Variants in ASAP1 observed in about 807,000 individuals in gnomAD.
The protein encoded by ASAP1 is ArfGAP with SH3 domain, ankyrin repeat and PH domain 1.
A neutral mutation model predicts 145.2 loss-of-function variants in ASAP1; 43 were observed. The observed-to-expected ratio is 0.30, with a 90% CI of 0.23 to 0.38. The LOEUF is 0.38. Among genes scored for constraint, ASAP1 ranks in the 10% least tolerant of loss-of-function variants. The pLI is 1.00. For synonymous variants in ASAP1, 546 were observed against 515.5 expected, an observed-to-expected ratio of 1.06 and a Z score of -0.80; for missense variants, 1,018 against 1,355.3, an observed-to-expected ratio of 0.75 and a Z score of 3.91.
At chr8:130,267,878 T>A (rs957618570) in intron 3 of ASAP1, among the ~76,000 whole-genome samples, 6 of 152,168 alleles carry the variant, frequency 3.9e-5, no homozygotes, top group African/African-American at 1.2e-4. Flanking sequence ...CCAGAACTGG[T>A]AGGAGCAGCT....
At chr8:130,237,274 C>T (rs1818270988) in intron 3 of ASAP1, among the ~76,000 whole-genome samples, 1 of 152,016 alleles carries the variant, frequency 6.6e-6, no homozygotes, top group African/African-American at 2.4e-5. Context: ...AAAGACAGTA[C>T]AAGACACTGA....
chr8:130,175,365 C>T (rs140215068), intron 9 of ASAP1, among the ~76,000 whole-genome samples: 16 of 152,158 alleles, frequency 1.1e-4, no homozygotes, highest in African/African-American at 3.1e-4. Context: ...GGAAAATAGG[C>T]GTGTGCCACC....
chr8:130,422,471 G>A (rs1274262159), intron 1 of ASAP1, among the ~76,000 whole-genome samples: 2 of 152,212 alleles, frequency 1.3e-5, no homozygotes, highest in Non-Finnish European at 2.9e-5. Flanking sequence ...TCCCTGGGCT[G>A]TGCTTGTCTC....
At chr8:130,070,849 GA>G (rs2097442247) in intron 27 of ASAP1, among the ~76,000 whole-genome samples, 1 of 4,432 alleles carries the variant, frequency 2.3e-4, no homozygotes, top group Non-Finnish European at 3.7e-4. Context: ...GGGAGAGAGG[GA>G]GAGAGAGGGA....
At position 130,361,565 on chromosome 8, in the gene ASAP1, G is replaced by A. The variant is rs74388018; in HGVS notation, c.60-3422C>T. 2.0e-3 allele frequency: 1,739 copies of A among 874,124 alleles called. 22 individuals carry two copies. The African/African-American group carries it at 0.025, about 13-fold the overall frequency. 54.1% of individuals were successfully genotyped at this position (874,124 alleles called of 1,614,324 possible). A position where few individuals can be genotyped will look rare whatever the true frequency, so the allele number is the denominator to read the frequency against. ...ATCTGCTCCTCCCCCATCTCCTTTG[G>A]CCAAGAAAGGAATATGCTCACAATG... On this transcript the variant is annotated intron_variant, in intron 2 of 29. Coordinates refer to ENST00000518721, the MANE Select transcript of ASAP1 (RefSeq NM_018482.4).
intron 3 of ASAP1, among the ~76,000 whole-genome samples, chr8:130,351,629 G>A (rs1020748959): frequency 3.3e-5 from 5 of 152,152 alleles, no homozygotes; most frequent in African/African-American, 4.8e-5. Context: ...ATCACATGGC[G>A]AAAGCAGGGG....
chr8:130,240,672 G>T (rs985651740), intron 3 of ASAP1, among the ~76,000 whole-genome samples: 7 of 152,158 alleles, frequency 4.6e-5, no homozygotes, highest in African/African-American at 1.2e-4. Context: ...GAGGGGGAAA[G>T]AATGAATTAA....
intron 9 of ASAP1, among the ~76,000 whole-genome samples, chr8:130,176,561 C>T (rs546919822): frequency 3.9e-5 from 6 of 152,258 alleles, no homozygotes; most frequent in South Asian, 2.1e-4. Flanking sequence ...AGGGGACATT[C>T]GTCTACCAGA....
chr8:130,116,936 T>C lies in ASAP1; in HGVS notation c.1940A>G (p.Tyr647Cys). Reference sequence around the variant, plus strand: ...AAGCTTCAAACACTCAGGTTTACTGTACATACTACAGTAGTGTAGAACTGT... The same window carrying C: ...AAGCTTCAAACACTCAGGTTTACTGCACATACTACAGTAGTGTAGAACTGT... ...GNTVLHYCSM[Y>C]SKPECLKLLL... The change falls in exon 21 of 30, where the codon TAC becomes TGC. Residue 647 changes from tyrosine (Y) to cysteine (C), a missense_variant. This residue lies in a region of ASAP1 where 353 missense variants were observed against 375.4 expected (regional missense o/e 0.94). Coordinates refer to ENST00000518721, the MANE Select transcript of ASAP1 (RefSeq NM_018482.4). The C allele has an allele frequency of 1.2e-6, 2 of 1,614,074 alleles. No homozygotes were observed. The highest frequency in any genetic ancestry group is 1.7e-6 in the Non-Finnish European group (2 of 1,179,978).
At chr8:130,297,878 G>A (rs1247537931) in intron 3 of ASAP1, among the ~76,000 whole-genome samples, 3 of 152,152 alleles carry the variant, frequency 2.0e-5, no homozygotes, top group Admixed American at 1.3e-4. Context: ...GAAAAGGAGT[G>A]GGAAAAGTAA....
At chr8:130,334,715 C>T (rs1414234380) in intron 3 of ASAP1, among the ~76,000 whole-genome samples, 1 of 152,180 alleles carries the variant, frequency 6.6e-6, no homozygotes, top group East Asian at 1.9e-4. Context: ...ACACTTTTGG[C>T]AGCCATGTGC....
intron 5 of ASAP1, among the ~76,000 whole-genome samples, chr8:130,191,206 C>T (rs1815117304): frequency 6.6e-6 from 1 of 152,076 alleles, no homozygotes; most frequent in Admixed American, 6.5e-5. Flanking sequence ...GAGGCAGAGT[C>T]AGGTGTGAAA....
At chr8:130,124,849 G>A (rs1424070483) in intron 17 of ASAP1, among the ~76,000 whole-genome samples, 2 of 152,138 alleles carry the variant, frequency 1.3e-5, no homozygotes, top group East Asian at 1.9e-4. Flanking sequence ...AGGAGATGAG[G>A]GACATCATTT....
At chr8:130,412,783 C>A (rs1366186385) in intron 1 of ASAP1, among the ~76,000 whole-genome samples, 1 of 151,792 alleles carries the variant, frequency 6.6e-6, no homozygotes, top group Non-Finnish European at 1.5e-5. Context: ...TCCTGAGTAG[C>A]TGGGATTACA....
rs555924116 is a variant in ASAP1, at chr8:130,066,743, T to C, written c.2702-5674A>G. On this transcript the variant is annotated intron_variant, in intron 27 of 29. Coordinates refer to ENST00000518721, the MANE Select transcript of ASAP1 (RefSeq NM_018482.4). ...TAAAGGCATGGGCAGTCATAGCACA[T>C]TGATGTAAACTGCAAGTGCCCTCAG... 2.0e-5 allele frequency among the ~76,000 whole-genome samples: 3 copies of C among 152,316 alleles called. No individual in the cohort carries two copies. The South Asian group carries it at 6.2e-4, about 32-fold the overall frequency.
chr8:130,306,703 A>G (rs902912631), intron 3 of ASAP1, among the ~76,000 whole-genome samples: 6 of 152,206 alleles, frequency 3.9e-5, no homozygotes, highest in Non-Finnish European at 8.8e-5. Flanking sequence ...TTTCATTCAT[A>G]TATTTAGGGT....
chr8:130,215,953 A>G (rs1192147016), intron 4 of ASAP1, among the ~76,000 whole-genome samples: 1 of 147,302 alleles, frequency 6.8e-6, no homozygotes, highest in Non-Finnish European at 1.5e-5. Context: ...GAAAGGGGAA[A>G]GGGGAAAGAA....
intron 3 of ASAP1, among the ~76,000 whole-genome samples, chr8:130,296,244 T>C (rs1822264729): frequency 1.3e-5 from 2 of 152,232 alleles, no homozygotes; most frequent in Non-Finnish European, 2.9e-5. Context: ...TGTTTCTTGC[T>C]AAACAGAGGT....
intron 15 of ASAP1, among the ~76,000 whole-genome samples, chr8:130,130,970 C>T (rs2097582024): frequency 6.6e-6 from 1 of 152,096 alleles, no homozygotes; most frequent in African/African-American, 2.4e-5. Flanking sequence ...TCCTGGCTAA[C>T]ACGGTGAAAC....
Sources: allele counts gnomAD v4.1 joint callset (sites outside exome capture counted in the v4.1 genomes callset), GRCh38; gene constraint gnomAD v4.1.1; regional missense constraint gnomAD v4.1.1; transcripts MANE v1.5; gene names NCBI Gene and HGNC (gene_info 2026-07-23, HGNC 2026-07-21).